GRIK2: variants seen among roughly 807,000 people sequenced by gnomAD.
GRIK2 encodes glutamate receptor ionotropic, kainate 2.
Under a neutral mutation model 100.3 loss-of-function variants are expected in GRIK2, and 32 were observed. That is an observed-to-expected ratio of 0.32 (90% CI 0.24 to 0.43). The LOEUF (loss-of-function observed/expected upper bound fraction) is 0.43, where lower values mean the gene tolerates loss of function less well. Ranked by LOEUF, GRIK2 falls within the 20% of genes least tolerant of loss-of-function variation. The probability of loss-of-function intolerance (pLI) is 1.00; values close to 1 mark genes in which losing one functional copy is unlikely to be tolerated. For missense variants in GRIK2, 843 were observed against 1,114.9 expected (o/e 0.76, Z 3.47); for synonymous variants, 417 against 389.4 (o/e 1.07, Z -0.83).
At chr6:101,492,770 G>A (rs940251113) in intron 2 of GRIK2, among the ~76,000 whole-genome samples, 2 of 151,936 alleles carry the variant, frequency 1.3e-5, no homozygotes, top group East Asian at 1.9e-4. Context: ...CACAAAATAT[G>A]TGATGTAATA....
intron 2 of GRIK2, among the ~76,000 whole-genome samples, chr6:101,570,208 G>A (rs765701398): frequency 1.3e-5 from 2 of 151,962 alleles, no homozygotes; most frequent in Admixed American, 6.6e-5. Context: ...TCATTTTACC[G>A]CTACAAAATT....
chr6:101,959,227 C>A (rs1048272554), intron 14 of GRIK2, among the ~76,000 whole-genome samples: 1 of 152,002 alleles, frequency 6.6e-6, no homozygotes, highest in African/African-American at 2.4e-5. Flanking sequence ...GGCTGTACAT[C>A]CCTCTGGTCC....
At chr6:101,437,832 CT>C (rs980118747) in intron 2 of GRIK2, among the ~76,000 whole-genome samples, 1 of 152,004 alleles carries the variant, frequency 6.6e-6, no homozygotes, top group Non-Finnish European at 1.5e-5. Context: ...AATAGAGTGC[CT>C]GGTACTTCCC....
chr6:101,675,726 A>G (rs545501733), intron 4 of GRIK2, among the ~76,000 whole-genome samples: 4 of 152,148 alleles, frequency 2.6e-5, no homozygotes, highest in Non-Finnish European at 4.4e-5. Context: ...TTTTAATTTA[A>G]TTATCAGGTA....
chr6:101,991,440 T>A (rs889852239), intron 14 of GRIK2, among the ~76,000 whole-genome samples: 1 of 151,024 alleles, frequency 6.6e-6, no homozygotes, highest in Admixed American at 6.6e-5. Context: ...TTGTAAATAA[T>A]AATATTGAAA....
chr6:101,754,631 A>G (rs1273937710), intron 7 of GRIK2, among the ~76,000 whole-genome samples: 1 of 152,202 alleles, frequency 6.6e-6, no homozygotes, highest in African/African-American at 2.4e-5. Flanking sequence ...TACTATCCAT[A>G]AAATGTGATG....
intron 14 of GRIK2, among the ~76,000 whole-genome samples, chr6:102,033,926 T>C (rs894833260): frequency 6.6e-6 from 1 of 151,462 alleles, no homozygotes; most frequent in African/African-American, 2.4e-5. Context: ...TAGCAACATG[T>C]CTTAAAGTTG....
chr6:101,587,231 G>T (rs904921980), intron 2 of GRIK2, among the ~76,000 whole-genome samples: 2 of 151,924 alleles, frequency 1.3e-5, no homozygotes, highest in African/African-American at 2.4e-5. Context: ...TATAAGAGAT[G>T]GTTTAAAGGG....
intron 2 of GRIK2, among the ~76,000 whole-genome samples, chr6:101,584,118 GATT>G (rs763919691): frequency 9.2e-5 from 14 of 151,948 alleles, no homozygotes; most frequent in Non-Finnish European, 1.8e-4. Context: ...GAAAAAATAT[GATT>G]ATAACATTTT....
At position 101,393,781 on chromosome 6, in the gene GRIK2, T is replaced by G. The variant is rs936971151; in HGVS notation, c.-350T>G. 6.6e-6 allele frequency among the ~76,000 whole-genome samples: 1 copy of G among 152,036 alleles called. No homozygotes were observed. The highest frequency in any genetic ancestry group is 6.6e-5 in the Admixed American group (1 of 15,250). ...ACTTTTCCGCCCGACCTCCTCCGGC[T>G]GCTCCTCCCCGAGGACCACCCCACC... On this transcript the variant is annotated 5_prime_UTR_variant, in exon 1 of 17. Transcript: ENST00000369134.
At chr6:101,759,071 T>C (rs1298152283) in intron 7 of GRIK2, among the ~76,000 whole-genome samples, 1 of 152,158 alleles carries the variant, frequency 6.6e-6, no homozygotes, top group African/African-American at 2.4e-5. Context: ...CTTGACAACA[T>C]GCTGTCTCAG....
chr6:101,491,181 T>C (rs1023700757), intron 2 of GRIK2, among the ~76,000 whole-genome samples: 1 of 150,510 alleles, frequency 6.6e-6, no homozygotes, highest in African/African-American at 2.4e-5. Flanking sequence ...TATGAATGAA[T>C]GAGGAAAAGA....
At chr6:101,802,657 A>AT (rs2128414819) in intron 9 of GRIK2, among the ~76,000 whole-genome samples, 1 of 151,914 alleles carries the variant, frequency 6.6e-6, no homozygotes, top group East Asian at 1.9e-4. Context: ...CTAACTAGAG[A>AT]TTTTTCTGAT....
At chr6:102,003,809 TC>T (rs959453461) in intron 14 of GRIK2, among the ~76,000 whole-genome samples, 4 of 151,788 alleles carry the variant, frequency 2.6e-5, no homozygotes, top group African/African-American at 9.7e-5. Context: ...TGATATAATT[TC>T]CTTTTTAAGA....
intron 10 of GRIK2, among the ~76,000 whole-genome samples, chr6:101,835,464 C>CT (rs764148146): frequency 0.12 from 10,497 of 88,938 alleles, 929 homozygotes; most frequent in East Asian, 0.6. Flanking sequence ...CTATGAGTTC[C>CT]TTTTTTTTTT....
intron 7 of GRIK2, among the ~76,000 whole-genome samples, chr6:101,697,778 A>G (rs1182389143): frequency 9.9e-5 from 15 of 152,054 alleles, no homozygotes; most frequent in Admixed American, 9.9e-4. Flanking sequence ...TAACAGTTTA[A>G]TATTTCTGAG....
intron 2 of GRIK2, among the ~76,000 whole-genome samples, chr6:101,459,768 A>G (rs1307474949): frequency 6.6e-6 from 1 of 151,422 alleles, no homozygotes; most frequent in Non-Finnish European, 1.5e-5. Flanking sequence ...CATAGAAATT[A>G]CACATCTCTT....
intron 7 of GRIK2, among the ~76,000 whole-genome samples, chr6:101,741,953 A>C (rs1490299330): frequency 6.6e-6 from 1 of 152,164 alleles, no homozygotes; most frequent in Non-Finnish European, 1.5e-5. Context: ...ACAGCTAATA[A>C]ATAGCAAAGC....
At chr6:101,733,020 C>T (rs1249923751) in intron 7 of GRIK2, among the ~76,000 whole-genome samples, 2 of 152,106 alleles carry the variant, frequency 1.3e-5, no homozygotes, top group Non-Finnish European at 2.9e-5. Flanking sequence ...CCTAACTCTA[C>T]ATACTACCAC....
Sources: gnomAD v4.1 joint callset for allele counts (sites outside exome capture counted in the v4.1 genomes callset) on GRCh38, gnomAD v4.1.1 for gene constraint, MANE v1.5 for transcripts, NCBI Gene and HGNC (gene_info 2026-07-23, HGNC 2026-07-21) for gene names.